The following BUB1 variants were observed in gnomAD, a reference collection of about 807,000 sequenced individuals.
BUB1 encodes the protein BUB1 mitotic checkpoint serine/threonine kinase.
In BUB1, 84 loss-of-function variants were observed where a neutral mutation model predicts 135.2. The ratio of observed to expected loss-of-function variants is 0.62; its 90% CI spans 0.52 to 0.74. The LOEUF (loss-of-function observed/expected upper bound fraction) is 0.74, where lower values mean the gene tolerates loss of function less well. Among genes scored for constraint, BUB1 ranks in the 30% least tolerant of loss-of-function variants. The pLI is 0.00. For missense variants in BUB1, 1,162 were observed against 1,288.3 expected (o/e 0.90, Z 1.50); for synonymous variants, 403 against 434.4 (o/e 0.93, Z 0.90).
chr2:110,641,352 A>G lies in BUB1; in HGVS notation c.2738T>C (p.Ile913Thr). 5.6e-6 allele frequency: 9 copies of G among 1,613,758 alleles called. No individual in the cohort carries two copies. The highest frequency in any genetic ancestry group is 7.6e-6 in the Non-Finnish European group (9 of 1,179,874). ...GTCTGGTTTAATGTCTCCATGAATG[A>G]TTTCACAGTCATGCACTTGCTCAAT... ...YMIEQVHDCE[I>T]IHGDIKPDNF... is the part of the protein sequence containing the mutation. Residue 913 changes from isoleucine (I) to threonine (T), a missense_variant, in exon 22 of 25, where the codon ATC becomes ACC. Coordinates refer to ENST00000302759, the MANE Select transcript of BUB1 (RefSeq NM_004336.5).
chr2:110,667,251 C>T (rs772207404), intron 8 of BUB1, among the ~76,000 whole-genome samples: 4 of 152,072 alleles, frequency 2.6e-5, no homozygotes, highest in Non-Finnish European at 2.9e-5. Flanking sequence ...GCCAAGACAT[C>T]AATTTAGTCC....
chr2:110,653,562 G>T, intron 16 of BUB1, 39 bp from the exon 17 acceptor site: 1 of 1,494,424 alleles, frequency 6.7e-7, no homozygotes, highest in Non-Finnish European at 9.3e-7. Context: ...TATGTTAGAT[G>T]CACATGTGTG....
At position 110,667,537 on chromosome 2, in the gene BUB1, T is replaced by C; in HGVS notation, c.789A>G (p.Arg263=). 1 of 1,612,700 alleles carries C rather than the reference T, an allele frequency of 6.2e-7. No homozygotes were observed. The highest frequency in any genetic ancestry group is 8.5e-7 in the Non-Finnish European group (1 of 1,179,606). ...TGCAAGTACCCCATTGCTCATGCTT[T>C]CTCCGTTGATTGTATTTCTGGGCTC... ...ELRAQKYNQR[R]KHEQWVNEDR... is the part of the protein sequence containing the mutation. Residue 263 remains arginine, a synonymous_variant, in exon 8 of 25, where the codon AGA becomes AGG. Coordinates refer to ENST00000302759, the MANE Select transcript of BUB1 (RefSeq NM_004336.5).
chr2:110,657,852 C>G (rs925641337), intron 13 of BUB1, among the ~76,000 whole-genome samples: 5 of 152,200 alleles, frequency 3.3e-5, no homozygotes, highest in Non-Finnish European at 7.3e-5. Flanking sequence ...TCCCAGGTCA[C>G]GAGTCCCTGC....
intron 17 of BUB1, among the ~76,000 whole-genome samples, chr2:110,651,362 C>T (rs1025207205): frequency 6.6e-6 from 1 of 150,682 alleles, no homozygotes; most frequent in African/African-American, 2.4e-5. Flanking sequence ...TTTGTGTGGT[C>T]GTTTTTAACA....
rs1689951635 is a variant in BUB1 at position 110,657,024 on chromosome 2, A to G, written c.1698+12T>C. The G allele has an allele frequency of 6.2e-7, 1 of 1,606,480 alleles. No homozygotes were observed. Among genetic ancestry groups the G allele is most frequent in the Admixed American group, 1.7e-5 (1 of 59,506 alleles). On this transcript the variant is annotated intron_variant, in intron 15 of 24. Coordinates refer to ENST00000302759, the MANE Select transcript of BUB1 (RefSeq NM_004336.5). The stretch of plus-strand genomic sequence containing the variant: ...GTAGGACCCATTTCATAGATAAAAC[A>G]GGTTTGTTTACCTTTGGTTTTGAAG...
chr2:110,670,279 C>T (rs924982526), intron 5 of BUB1, among the ~76,000 whole-genome samples: 2 of 151,878 alleles, frequency 1.3e-5, no homozygotes, highest in African/African-American at 4.8e-5. Flanking sequence ...GCCAGGACTA[C>T]AGATGCCCAC....
intron 22 of BUB1, 30 bp downstream of exon 22, chr2:110,641,274 AGAG>A: frequency 6.3e-7 from 1 of 1,588,328 alleles, no homozygotes; most frequent in Non-Finnish European, 8.6e-7. Context: ...GGAAATAGGA[AGAG>A]AAGAACCCTG....
chr2:110,645,296 T>A (rs564193613), intron 19 of BUB1, among the ~76,000 whole-genome samples: 4 of 151,732 alleles, frequency 2.6e-5, no homozygotes, highest in Non-Finnish European at 5.9e-5. Flanking sequence ...TAGCTGGGCG[T>A]GGTGGTGTGC....
chr2:110,657,696 C>A (rs528030806), intron 13 of BUB1, 51 bp from the exon 14 acceptor site: 3 of 1,297,912 alleles, frequency 2.3e-6, no homozygotes, highest in African/African-American at 3.0e-5. Context: ...GAAAAAACAT[C>A]CTTTATATTA....
chr2:110,666,213 T>G, intron 9 of BUB1, 50 bp downstream of exon 9: 1 of 1,311,728 alleles, frequency 7.6e-7, no homozygotes, highest in Non-Finnish European at 9.8e-7. Context: ...CAAATCAAAC[T>G]GCCATTCCTG....
chr2:110,665,108 G>A (rs1323830308), intron 9 of BUB1, among the ~76,000 whole-genome samples: 3 of 152,232 alleles, frequency 2.0e-5, no homozygotes, highest in Non-Finnish European at 4.4e-5. Flanking sequence ...AGACTATGCT[G>A]CAAGTAGAAT....
chr2:110,653,347 G>A, intron 17 of BUB1, 89 bp downstream of exon 17: 1 of 1,373,580 alleles, frequency 7.3e-7, no homozygotes, highest in South Asian at 1.2e-5. Flanking sequence ...TTCTATTACA[G>A]CCTAAAAGGC....
chr2:110,674,487 TTA>T lies in BUB1; in HGVS notation c.27-124_27-123del, dbSNP rs1489531258. 6.3e-6 allele frequency: 5 copies of T among 790,562 alleles called. No homozygotes were observed. The African/African-American group carries it at 7.0e-5, about 11-fold the overall frequency. The allele number at this position is 790,562 out of a possible 1,614,324, so 49.0% of individuals were successfully genotyped here. A position where few individuals can be genotyped will look rare whatever the true frequency, so the allele number is the denominator to read the frequency against. Reference sequence around the variant, plus strand: ...ACAAAAATCTTAAATATCAATCATTTTATATATACACCATTTATATGCATTAA... The same window carrying T: ...ACAAAAATCTTAAATATCAATCATTTTATATACACCATTTATATGCATTAA... On this transcript the variant is annotated intron_variant, in intron 1 of 24. Transcript: ENST00000302759.
At chr2:110,675,607 A>AT (rs774492463) in intron 1 of BUB1, among the ~76,000 whole-genome samples, 2,842 of 145,258 alleles carry the variant, frequency 0.02, 27 homozygotes, top group Admixed American at 0.027. Flanking sequence ...ACACTATAAG[A>AT]TTTTTTTTTT....
Position 110,637,796 on chromosome 2 carries a change from G to T in BUB1, c.*168C>A, listed in dbSNP as rs756570200. On this transcript the variant is annotated 3_prime_UTR_variant, in exon 25 of 25. Coordinates refer to ENST00000302759, the MANE Select transcript of BUB1 (RefSeq NM_004336.5). ...GCCTGCTATATAGGGACCTTATGGG[G>T]TTGTATATTTTGTTGAAATATTTAT... The T allele has an allele frequency of 1.6e-5, 8 of 511,034 alleles. No homozygotes were observed. Among genetic ancestry groups the T allele is most frequent in the Non-Finnish European group, 2.5e-5 (8 of 317,392 alleles). The allele number at this position is 511,034 out of a possible 1,614,324, so 31.7% of individuals were successfully genotyped here.
chr2:110,667,557 G>C lies in BUB1; in HGVS notation c.769C>G (p.Gln257Glu), dbSNP rs763742751. 4.3e-6 allele frequency: 7 copies of C among 1,613,612 alleles called. No homozygotes were observed. The highest frequency in any genetic ancestry group is 5.9e-6 in the Non-Finnish European group (7 of 1,179,872). Residue 257 changes from glutamine (Q) to glutamate (E), a missense_variant, in exon 8 of 25, where the codon CAG becomes GAG. Coordinates refer to ENST00000302759, the MANE Select transcript of BUB1 (RefSeq NM_004336.5). Reference sequence around the variant, plus strand: ...TGCTTTCTCCGTTGATTGTATTTCTGGGCTCTCAATTCTTCAAAGGAAAAT... The same window carrying C: ...TGCTTTCTCCGTTGATTGTATTTCTCGGCTCTCAATTCTTCAAAGGAAAAT... The part of the protein sequence containing the change: ...SEFSFEELRA[Q>E]KYNQRRKHEQ...
chr2:110,667,422 T>C lies in BUB1; in HGVS notation c.805+99A>G, dbSNP rs1690287870. On this transcript the variant is annotated intron_variant, in intron 8 of 24. Transcript: ENST00000302759. The stretch of plus-strand genomic sequence containing the variant: ...ATGAGATGAAGACTTTCTTGCAGTC[T>C]TTCAACATAGTCAATTATTCTTTAA... The C allele has an allele frequency of 4.0e-6, 5 of 1,242,462 alleles. No individual in the cohort carries two copies. In the Middle Eastern group the frequency reaches 7.9e-4, roughly 196 times the overall value. The allele number at this position is 1,242,462 out of a possible 1,614,324, so 77.0% of individuals were successfully genotyped here. A position where few individuals can be genotyped will look rare whatever the true frequency, so the allele number is the denominator to read the frequency against.
intron 1 of BUB1, 39 bp from the exon 2 acceptor site, chr2:110,674,404 T>C: frequency 6.3e-7 from 1 of 1,583,438 alleles, no homozygotes; most frequent in Non-Finnish European, 8.6e-7. Context: ...ATATTAGGGA[T>C]AATTTCTACA....
Sources: allele counts gnomAD v4.1 joint callset (sites outside exome capture counted in the v4.1 genomes callset), GRCh38; gene constraint gnomAD v4.1.1; transcripts MANE v1.5; gene names NCBI Gene and HGNC (gene_info 2026-07-23, HGNC 2026-07-21).